The following TOP2B variants were observed in gnomAD, a reference collection of about 807,000 sequenced individuals.
TOP2B encodes the protein DNA topoisomerase 2-beta.
In TOP2B, 51 loss-of-function variants were observed where a neutral mutation model predicts 193.5. The ratio of observed to expected loss-of-function variants is 0.26; its 90% CI spans 0.21 to 0.33. The LOEUF (loss-of-function observed/expected upper bound fraction) is 0.33, where lower values mean the gene tolerates loss of function less well. Ranked by LOEUF, TOP2B falls within the 10% of genes least tolerant of loss-of-function variation. TOP2B has a pLI of 1.00. For missense variants in TOP2B, 1,378 were observed against 1,909.3 expected, an observed-to-expected ratio of 0.72 and a Z score of 5.19; for synonymous variants, 634 against 635.7, an observed-to-expected ratio of 1.00 and a Z score of 0.04.
At chr3:25,651,445 TAA>T (rs34010313) in intron 1 of TOP2B, among the ~76,000 whole-genome samples, 3 of 118,548 alleles carry the variant, frequency 2.5e-5, no homozygotes, top group African/African-American at 3.1e-5. Context: ...AACATGTCAC[TAA>T]AAAAAAAAAA....
chr3:25,648,767 C>T (rs1018825157), intron 1 of TOP2B, among the ~76,000 whole-genome samples: 2 of 152,028 alleles, frequency 1.3e-5, no homozygotes, highest in South Asian at 2.1e-4. Flanking sequence ...GAGGCTGAGA[C>T]GGGAGGATTG....
At chr3:25,658,730 C>T (rs909495241) in intron 1 of TOP2B, among the ~76,000 whole-genome samples, 6 of 152,114 alleles carry the variant, frequency 3.9e-5, no homozygotes, top group Non-Finnish European at 7.4e-5. Context: ...AGATTTAATA[C>T]TAATCCAAGA....
intron 1 of TOP2B, among the ~76,000 whole-genome samples, chr3:25,646,633 C>T (rs1428506577): frequency 6.6e-6 from 1 of 152,134 alleles, no homozygotes; most frequent in East Asian, 1.9e-4. Flanking sequence ...ATTAAAATAT[C>T]TTCAGAGGCC....
At chr3:25,632,641 T>A in intron 9 of TOP2B, 52 bp downstream of exon 9, 2 of 1,604,100 alleles carry the variant, frequency 1.2e-6, no homozygotes, top group South Asian at 1.1e-5. Flanking sequence ...TAATTCAGTA[T>A]ATATATAATG....
At chr3:25,660,886 G>T (rs1042833388) in intron 1 of TOP2B, among the ~76,000 whole-genome samples, 3 of 152,058 alleles carry the variant, frequency 2.0e-5, no homozygotes, top group African/African-American at 7.2e-5. Flanking sequence ...TTCAAAAAGA[G>T]ACTTTACTGT....
chr3:25,633,183 C>G (rs1405637407), intron 8 of TOP2B, among the ~76,000 whole-genome samples: 1 of 152,098 alleles, frequency 6.6e-6, no homozygotes, highest in African/African-American at 2.4e-5. Flanking sequence ...ACTTCAGATG[C>G]CAGTTACAAG....
At chr3:25,606,148 A>G in intron 31 of TOP2B, 26 bp from the exon 32 acceptor site, 2 of 1,123,692 alleles carry the variant, frequency 1.8e-6, no homozygotes, top group Non-Finnish European at 2.5e-6. Context: ...TAAACACCAC[A>G]GAGGATACAA....
rs377619739 is a variant in TOP2B at position 25,612,504 on chromosome 3, G to T, written c.3786+11C>A. ...GAAATGAGTCTATCAATGACAAGAG[G>T]TATGTCATACCTTCTTCTTCTTCAG... On this transcript the variant is annotated intron_variant, in intron 28 of 35. Transcript: ENST00000264331. 9.8e-5 allele frequency: 155 copies of T among 1,587,372 alleles called. 1 individual carries two copies. In the East Asian group the frequency reaches 2.3e-3, roughly 23 times the overall value.
At chr3:25,629,238 C>A in intron 13 of TOP2B, 93 bp from the exon 14 acceptor site, 2 of 876,114 alleles carry the variant, frequency 2.3e-6, no homozygotes, top group Non-Finnish European at 3.3e-6. Flanking sequence ...TGCAAAAAAC[C>A]AAAATTCTGA....
chr3:25,615,414 C>G lies in TOP2B; in HGVS notation c.3507+17G>C. The G allele has an allele frequency of 6.5e-7, 1 of 1,536,066 alleles. No homozygotes were observed. On this transcript the variant is annotated intron_variant, in intron 26 of 35. Coordinates refer to ENST00000264331, the MANE Select transcript of TOP2B (RefSeq NM_001330700.2). Reference sequence around the variant, plus strand: ...ACTGAAATAGTTTCAAACTATTTAACCCACAAAAGTTCATACTTTTGCATC... The same window carrying G: ...ACTGAAATAGTTTCAAACTATTTAAGCCACAAAAGTTCATACTTTTGCATC...
In TOP2B at chr3:25,664,619, A is replaced by T. The variant is rs1017563433; in HGVS notation, c.-322T>A. Reference sequence around the variant, plus strand: ...CTCGCCCGCCCGCGGGCGCCGCTGCAGGCCGGGCTGAAGCCCGGGCGTGCG... The same window carrying T: ...CTCGCCCGCCCGCGGGCGCCGCTGCTGGCCGGGCTGAAGCCCGGGCGTGCG... On this transcript the variant is annotated 5_prime_UTR_variant, in exon 1 of 36. Transcript: ENST00000264331. 1 of 993,896 alleles carries T rather than the reference A, an allele frequency of 1.0e-6. No homozygotes were observed. The allele number at this position is 993,896 out of a possible 1,614,324, so 61.6% of individuals were successfully genotyped here.
chr3:25,600,273 A>G (rs1702055728), intron 34 of TOP2B, among the ~76,000 whole-genome samples: 2 of 152,234 alleles, frequency 1.3e-5, no homozygotes, highest in African/African-American at 4.8e-5. Flanking sequence ...TAGCAATTTT[A>G]TATCTTTAAA....
chr3:25,647,464 A>AT (rs1425558837), intron 1 of TOP2B, among the ~76,000 whole-genome samples: 10 of 152,010 alleles, frequency 6.6e-5, no homozygotes, highest in African/African-American at 2.4e-4. Context: ...AAGACACATG[A>AT]TAACCATACA....
At chr3:25,628,624 G>A (rs1159993610) in intron 15 of TOP2B, among the ~76,000 whole-genome samples, 1 of 151,794 alleles carries the variant, frequency 6.6e-6, no homozygotes, top group Admixed American at 6.6e-5. Context: ...GGCAATAAAG[G>A]AGGTTTACAG....
rs1220621310 is a variant in TOP2B at position 25,642,294 on chromosome 3, TA to T, written c.395+27del. 2.1e-6 allele frequency: 3 copies of T among 1,400,408 alleles called. No individual in the cohort carries two copies. In the African/African-American group the frequency reaches 4.3e-5, roughly 20 times the overall value. 86.7% of individuals were successfully genotyped at this position (1,400,408 alleles called of 1,614,324 possible). On this transcript the variant is annotated intron_variant, in intron 4 of 35. Transcript: ENST00000264331. ...GGGACTATCTGAATAAAACTTAGCATAAAAAATTAAACTTTAAATATACTTA... is the reference window on the plus strand; with the variant it reads ...GGGACTATCTGAATAAAACTTAGCATAAAAATTAAACTTTAAATATACTTA...
chr3:25,637,134 C>A, intron 6 of TOP2B, 81 bp downstream of exon 6: 2 of 1,079,234 alleles, frequency 1.9e-6, no homozygotes, highest in Middle Eastern at 2.8e-4. Context: ...GGCATCACTG[C>A]AATTTACCCA....
intron 35 of TOP2B, among the ~76,000 whole-genome samples, chr3:25,599,160 A>T (rs1165071326): frequency 2.6e-5 from 4 of 152,184 alleles, no homozygotes; most frequent in African/African-American, 9.6e-5. Context: ...TTTTAGTCTG[A>T]AAGAGTCTAA....
At chr3:25,636,608 G>A (rs1703112948) in intron 6 of TOP2B, among the ~76,000 whole-genome samples, 1 of 152,000 alleles carries the variant, frequency 6.6e-6, no homozygotes, top group Admixed American at 6.6e-5. Flanking sequence ...CTGTATTACT[G>A]TGATAATAAT....
chr3:25,640,493 G>A (rs2125390909), intron 4 of TOP2B, among the ~76,000 whole-genome samples: 1 of 151,614 alleles, frequency 6.6e-6, no homozygotes, highest in Non-Finnish European at 1.5e-5. Flanking sequence ...ATGAGGTGGG[G>A]GATATGAAAA....
Sources: allele counts gnomAD v4.1 joint callset (sites outside exome capture counted in the v4.1 genomes callset), GRCh38; gene constraint gnomAD v4.1.1; transcripts MANE v1.5; gene names NCBI Gene and HGNC (gene_info 2026-07-23, HGNC 2026-07-21).